SNORC: variants seen among roughly 807,000 people sequenced by gnomAD.
The protein encoded by SNORC is secondary ossification center associated regulator of chondrocyte maturation.
In SNORC, 11 loss-of-function variants were observed where a neutral mutation model predicts 9.7. The observed-to-expected ratio is 1.14, with a 90% confidence interval of 0.72 to 1.88. SNORC has a LOEUF of 1.88. Ranked by LOEUF, SNORC falls within the 40% of genes most tolerant of loss-of-function variation. The probability of loss-of-function intolerance (pLI) is 0.00; values close to 1 mark genes in which losing one functional copy is unlikely to be tolerated. For synonymous variants in SNORC, 108 were observed against 88.7 expected, an observed-to-expected ratio of 1.22 and a Z score of -1.22; for missense variants, 197 against 173.1, an observed-to-expected ratio of 1.14 and a Z score of -0.77.
At chr2:232,876,600 G>A, downstream of SNORC, 1 of 1,103,226 alleles carries the variant, frequency 9.1e-7, no homozygotes, top group Non-Finnish European at 1.1e-6. The surrounding 1 kb of genome is among the most constrained non-coding windows in gnomAD (Gnocchi z 6.8). Flanking sequence ...GCATGTCCGA[G>A]CCCGCCTGCG....
downstream of SNORC, chr2:232,876,969 C>A (rs996238113): frequency 1.0e-6 from 1 of 985,448 alleles, no homozygotes; most frequent in Non-Finnish European, 1.2e-6. This position sits in a 1 kb window ranked among gnomAD's most constrained non-coding sequence, Gnocchi z 6.8. Flanking sequence ...CGGGGCCCGC[C>A]GCTCCTTGAG....
At chr2:232,872,902 T>G (rs1376891605) in intron 1 of SNORC, among the ~76,000 whole-genome samples, 4 of 152,248 alleles carry the variant, frequency 2.6e-5, no homozygotes, top group Non-Finnish European at 5.9e-5. Context: ...GCACCCCTTT[T>G]CCTGGTGGAT....
intron 1 of SNORC, chr2:232,875,601 G>A: frequency 2.2e-6 from 1 of 447,742 alleles, no homozygotes; most frequent in Non-Finnish European, 4.2e-6. Context: ...CTCAGCCTGT[G>A]CTTTCTGTGG....
intron 1 of SNORC, among the ~76,000 whole-genome samples, chr2:232,872,978 G>A (rs1005550109): frequency 6.6e-6 from 1 of 152,264 alleles, no homozygotes; most frequent in African/African-American, 2.4e-5. Flanking sequence ...AGCCTAGGTT[G>A]GCAGGGAGCT....
intron 1 of SNORC, among the ~76,000 whole-genome samples, chr2:232,874,848 A>G (rs961248041): frequency 6.6e-6 from 1 of 152,254 alleles, no homozygotes; most frequent in African/African-American, 2.4e-5. Flanking sequence ...CAAGGCCTTC[A>G]GCCCACCTGT....
chr2:232,869,707 G>A (rs914328618), upstream of SNORC: 34 of 155,354 alleles, frequency 2.2e-4, no homozygotes, highest in Admixed American at 1.5e-3. Context: ...AGAGGAAACA[G>A]GAGCGTTTTA....
At chr2:232,873,919 C>G (rs1691121389) in intron 1 of SNORC, among the ~76,000 whole-genome samples, 1 of 152,212 alleles carries the variant, frequency 6.6e-6, no homozygotes, top group Non-Finnish European at 1.5e-5. Context: ...GGGAAGCCTC[C>G]CCCAGTTGGG....
At chr2:232,866,504 A>C (rs761177752), upstream of SNORC, among the ~76,000 whole-genome samples, 7 of 152,202 alleles carry the variant, frequency 4.6e-5, no homozygotes, top group Non-Finnish European at 8.8e-5. Context: ...GTGGACCTGC[A>C]CTCAATAACT....
rs113556442 is a variant in SNORC at position 232,871,246 on chromosome 2, G to A, written c.73+832G>A. ...CAGTCATGAGAGCATGGCCTGGGGA[G>A]AGCTTCTGGGGGACGACAGGCCTGG... is the stretch of plus-strand genomic sequence containing the variant. On this transcript the variant is annotated intron_variant, in intron 1 of 2. Coordinates refer to ENST00000331342, the Ensembl canonical transcript of SNORC. 5.8e-3 allele frequency among the ~76,000 whole-genome samples: 878 copies of A among 152,264 alleles called. 3 individuals are homozygous for A. The highest frequency in any genetic ancestry group is 0.02 in the African/African-American group (837 of 41,544).
At chr2:232,872,220 G>A (rs1368073865) in intron 1 of SNORC, among the ~76,000 whole-genome samples, 2 of 152,180 alleles carry the variant, frequency 1.3e-5, no homozygotes, top group Non-Finnish European at 2.9e-5. Context: ...AAGGGAAGGA[G>A]CGGCCTTGTG....
At chr2:232,877,906 T>G (rs1559184943), downstream of SNORC, 1 of 152,278 alleles carries the variant, frequency 6.6e-6, no homozygotes, top group Non-Finnish European at 1.5e-5. Context: ...TTTCCCATCC[T>G]CAAAAGGCAC....
At chr2:232,870,371 G>A (rs199594735) in exon 1 of SNORC, 11 of 1,569,548 alleles carry the variant, frequency 7.0e-6, no homozygotes, top group Middle Eastern at 1.7e-4. Flanking sequence ...TGCGCATGGC[G>A]CTGCTGCTGG....
chr2:232,874,998 G>A (rs1194422076), intron 1 of SNORC, among the ~76,000 whole-genome samples: 2 of 152,222 alleles, frequency 1.3e-5, no homozygotes, highest in Admixed American at 6.5e-5. Context: ...CCAGGGAACC[G>A]GCTTGAGGGT....
chr2:232,870,096 T>C (rs2106186669), upstream of SNORC, among the ~76,000 whole-genome samples: 1 of 137,952 alleles, frequency 7.2e-6, no homozygotes, highest in Admixed American at 8.2e-5. Flanking sequence ...ATTTCCTCTT[T>C]CCCTCTCCAA....
chr2:232,868,150 CTTTTT>C (rs35855568), upstream of SNORC, among the ~76,000 whole-genome samples: 3 of 130,038 alleles, frequency 2.3e-5, no homozygotes, highest in African/African-American at 5.9e-5. Flanking sequence ...GTCATTTCAT[CTTTTT>C]TTTTTTTTTT....
At chr2:232,873,787 C>G (rs1272049457) in intron 1 of SNORC, among the ~76,000 whole-genome samples, 1 of 152,230 alleles carries the variant, frequency 6.6e-6, no homozygotes, top group Admixed American at 6.5e-5. Flanking sequence ...AGACCCCTGC[C>G]TTTCTGGCTG....
At chr2:232,869,072 T>C (rs991267393), upstream of SNORC, 1 of 152,184 alleles carries the variant, frequency 6.6e-6, no homozygotes, top group African/African-American at 2.4e-5. Flanking sequence ...ATTCTAGTTA[T>C]GGATATGGAG....
At chr2:232,873,976 C>G (rs1691123387) in intron 1 of SNORC, among the ~76,000 whole-genome samples, 3 of 152,268 alleles carry the variant, frequency 2.0e-5, no homozygotes, top group Admixed American at 1.3e-4. Flanking sequence ...GAGGTCTTTT[C>G]TGGAAAGGGG....
chr2:232,869,927 C>T, upstream of SNORC: 1 of 305,736 alleles, frequency 3.3e-6, no homozygotes, highest in Non-Finnish European at 6.3e-6. Flanking sequence ...ACCCAAGCCC[C>T]ACTGAAACAC....
Sources: allele counts gnomAD v4.1 joint callset (sites outside exome capture counted in the v4.1 genomes callset), GRCh38; gene constraint gnomAD v4.1.1; non-coding constraint Gnocchi (gnomAD v3.1); transcripts MANE v1.5; gene names NCBI Gene and HGNC (gene_info 2026-07-23, HGNC 2026-07-21).